The following DDX10 variants were observed in gnomAD, a reference collection of about 807,000 sequenced individuals.
The protein encoded by DDX10 is DEAD-box helicase 10.
In DDX10, 74 loss-of-function variants were observed where a neutral mutation model predicts 104.3. The observed-to-expected ratio is 0.71, with a 90% CI of 0.59 to 0.86. The LOEUF (loss-of-function observed/expected upper bound fraction) is 0.86. Among genes scored for constraint, DDX10 ranks in the 40% least tolerant of loss-of-function variants. DDX10 has a pLI of 0.00. For missense variants in DDX10, 952 were observed against 1,040.0 expected (o/e 0.92, Z 1.16); for synonymous variants, 351 against 353.4 (o/e 0.99, Z 0.08).
chr11:108,711,925 A>G (rs1019472533), intron 10 of DDX10, among the ~76,000 whole-genome samples: 3 of 152,206 alleles, frequency 2.0e-5, no homozygotes, highest in Non-Finnish European at 4.4e-5. Context: ...TAATTATAAC[A>G]GTGGATTCAT....
chr11:108,929,555 G>A (rs763263948), intron 17 of DDX10: 15 of 152,148 alleles, frequency 9.9e-5, no homozygotes, highest in Non-Finnish European at 2.1e-4. Context: ...TTGTGATACT[G>A]ACTTCATAGA....
At chr11:108,876,799 TTTGA>T in intron 16 of DDX10, among the ~76,000 whole-genome samples, 1 of 152,290 alleles carries the variant, frequency 6.6e-6, no homozygotes, top group East Asian at 1.9e-4. Flanking sequence ...ACATCCTTTT[TTTGA>T]TTATCTTAGA....
intron 6 of DDX10, among the ~76,000 whole-genome samples, chr11:108,685,156 G>A (rs1372101113): frequency 6.6e-6 from 1 of 151,686 alleles, no homozygotes; most frequent in African/African-American, 2.4e-5. Context: ...TAGGTTGCCT[G>A]TTCACTCTGA....
chr11:108,897,773 A>G (rs1319490698), intron 16 of DDX10, among the ~76,000 whole-genome samples: 1 of 152,110 alleles, frequency 6.6e-6, no homozygotes, highest in Non-Finnish European at 1.5e-5. Context: ...AAATACAAAT[A>G]AGGCAACTGC....
intron 15 of DDX10, among the ~76,000 whole-genome samples, chr11:108,842,163 C>T (rs1246260095): frequency 6.6e-6 from 1 of 152,032 alleles, no homozygotes; most frequent in Non-Finnish European, 1.5e-5. Flanking sequence ...TTCTGTTATC[C>T]TTGATATAGT....
intron 13 of DDX10, among the ~76,000 whole-genome samples, chr11:108,729,580 G>A (rs2094309543): frequency 6.6e-6 from 1 of 151,266 alleles, no homozygotes; most frequent in African/African-American, 2.4e-5. Context: ...ATTGTTGCAG[G>A]CCTTTTTTTT....
chr11:108,931,784 G>A (rs139832634), intron 17 of DDX10, among the ~76,000 whole-genome samples: 6 of 152,190 alleles, frequency 3.9e-5, no homozygotes, highest in Admixed American at 2.0e-4. Flanking sequence ...ACCTAGTTAC[G>A]CTTTCTCCTA....
chr11:108,808,652 TG>T (rs1862134513), intron 13 of DDX10, among the ~76,000 whole-genome samples: 2 of 152,294 alleles, frequency 1.3e-5, no homozygotes, highest in South Asian at 4.1e-4. Flanking sequence ...ATGTACTATT[TG>T]GCAAAGCAAC....
Position 108,770,936 on chromosome 11 carries a change from A to G in DDX10, c.1965+47474A>G, listed in dbSNP as rs111906717. Among the ~76,000 whole-genome samples the G allele has an allele frequency of 6.1e-3, 920 of 151,814 alleles. 3 individuals are homozygous for G. Among genetic ancestry groups the G allele is most frequent in the African/African-American group, 0.021 (856 of 41,494 alleles). ...TTGTGGAGTTTCCAAAGTGTTGTCC[A>G]GAGTGGTTGTGCTAATTTACATTCC... On this transcript the variant is annotated intron_variant, in intron 13 of 17. Coordinates refer to ENST00000322536, the MANE Select transcript of DDX10 (RefSeq NM_004398.4).
At chr11:108,708,017 G>A (rs1047493759) in intron 10 of DDX10, among the ~76,000 whole-genome samples, 3 of 152,152 alleles carry the variant, frequency 2.0e-5, no homozygotes, top group Admixed American at 2.0e-4. Flanking sequence ...CAAGGAGCTT[G>A]ATTGCTGGGT....
chr11:108,749,876 A>G (rs1313620346), intron 13 of DDX10, among the ~76,000 whole-genome samples: 1 of 152,152 alleles, frequency 6.6e-6, no homozygotes, highest in East Asian at 1.9e-4. Flanking sequence ...TTTTACTGAA[A>G]TTTTACATGT....
At chr11:108,868,432 C>T (rs1178184349) in intron 16 of DDX10, 7 of 151,844 alleles carry the variant, frequency 4.6e-5, no homozygotes, top group East Asian at 3.9e-4. Flanking sequence ...CATCCCTTCC[C>T]GCTAACATGT....
Position 108,692,559 on chromosome 11 carries a change from G to A in DDX10, c.1138+521G>A, listed in dbSNP as rs79045799. ...GGAAAACTAGACTTAGGAACAAAGGGTGAGAATAAATAGGTGATAATTTGA... is the reference window on the plus strand; with the variant it reads ...GGAAAACTAGACTTAGGAACAAAGGATGAGAATAAATAGGTGATAATTTGA... On this transcript the variant is annotated intron_variant, in intron 8 of 17. Coordinates refer to ENST00000322536, the MANE Select transcript of DDX10 (RefSeq NM_004398.4). Among the ~76,000 whole-genome samples, 781 of 152,298 alleles carry A rather than the reference G, an allele frequency of 5.1e-3. 7 individuals are homozygous for A. Among genetic ancestry groups the A allele is most frequent in the African/African-American group, 0.017 (703 of 41,552 alleles).
At chr11:108,811,540 C>G (rs1862180420) in intron 13 of DDX10, among the ~76,000 whole-genome samples, 2 of 152,174 alleles carry the variant, frequency 1.3e-5, no homozygotes, top group Admixed American at 1.3e-4. Flanking sequence ...CTGCCATGAT[C>G]TGGCATATAG....
intron 13 of DDX10, among the ~76,000 whole-genome samples, chr11:108,791,887 G>A (rs1393323133): frequency 2.0e-5 from 3 of 152,186 alleles, no homozygotes; most frequent in Non-Finnish European, 4.4e-5. Context: ...GGCTGTGACT[G>A]CGTATTTGAC....
chr11:108,667,461 A>T (rs1455009897), intron 1 of DDX10, among the ~76,000 whole-genome samples: 1 of 152,242 alleles, frequency 6.6e-6, no homozygotes, highest in Non-Finnish European at 1.5e-5. Flanking sequence ...AGTCTGCTGC[A>T]GAGTAAGTTA....
intron 9 of DDX10, among the ~76,000 whole-genome samples, chr11:108,700,610 G>A (rs1295080905): frequency 6.6e-6 from 1 of 152,136 alleles, no homozygotes; most frequent in Non-Finnish European, 1.5e-5. Context: ...TCTTTCTTTG[G>A]ACTAGGAGAG....
At chr11:108,699,945 T>C (rs2094265271) in intron 9 of DDX10, among the ~76,000 whole-genome samples, 1 of 152,212 alleles carries the variant, frequency 6.6e-6, no homozygotes, top group East Asian at 1.9e-4. Context: ...GACACTTGCA[T>C]AGATGGACTA....
At chr11:108,710,396 A>G (rs1251185438) in intron 10 of DDX10, among the ~76,000 whole-genome samples, 2 of 151,850 alleles carry the variant, frequency 1.3e-5, no homozygotes, top group African/African-American at 4.8e-5. Flanking sequence ...TATTTTCTTT[A>G]TATCTTTACT....
Sources: allele counts gnomAD v4.1 joint callset (sites outside exome capture counted in the v4.1 genomes callset), GRCh38; gene constraint gnomAD v4.1.1; transcripts MANE v1.5; gene names NCBI Gene and HGNC (gene_info 2026-07-23, HGNC 2026-07-21).